MAF: variants seen among roughly 807,000 people sequenced by gnomAD.
The protein encoded by MAF is transcription factor Maf.
Under a neutral mutation model 22.0 loss-of-function variants are expected in MAF, and 10 were observed. That is an observed-to-expected ratio of 0.45 (90% CI 0.28 to 0.77). MAF has a LOEUF of 0.77. Ranked by LOEUF, MAF falls within the 30% of genes least tolerant of loss-of-function variation. The pLI, the probability that MAF is intolerant of heterozygous loss-of-function variation, is 0.12. For missense variants in MAF, 544 were observed against 548.4 expected (o/e 0.99, Z 0.08); for synonymous variants, 337 against 255.8 (o/e 1.32, Z -3.03).
chr16:79,598,275 A>T, intron 1 of MAF: 1 of 1,069,462 alleles, frequency 9.4e-7, no homozygotes, highest in Non-Finnish European at 1.1e-6. Flanking sequence ...AAAAAAAAAA[A>T]TCCAAACAAA....
chr16:79,484,821 G>C, the MAF span, among the ~76,000 whole-genome samples: 1 of 152,194 alleles, frequency 6.6e-6, no homozygotes, highest in Non-Finnish European at 1.5e-5. Context: ...GTGCATGTGT[G>C]TGAATGCATT....
At chr16:79,302,821 G>A in the MAF span, among the ~76,000 whole-genome samples, 2 of 152,250 alleles carry the variant, frequency 1.3e-5, no homozygotes, top group African/African-American at 4.8e-5. Context: ...CCAGTGTGCA[G>A]CAAATGAAGA....
the MAF span, among the ~76,000 whole-genome samples, chr16:79,224,781 A>G: frequency 5.3e-5 from 8 of 152,236 alleles, no homozygotes; most frequent in African/African-American, 1.9e-4. Context: ...AGAGAATAAA[A>G]TACCTAGGAA....
downstream of MAF, among the ~76,000 whole-genome samples, chr16:79,582,273 G>A (rs1912566781): frequency 6.6e-6 from 1 of 152,206 alleles, no homozygotes; most frequent in East Asian, 1.9e-4. Flanking sequence ...TGGCATCTGT[G>A]AACGGCGGCA....
chr16:79,461,441 G>A, the MAF span, among the ~76,000 whole-genome samples: 13 of 152,070 alleles, frequency 8.5e-5, no homozygotes, highest in African/African-American at 1.2e-4. Context: ...CTGCATCCTC[G>A]GGCCATGTCA....
the MAF span, among the ~76,000 whole-genome samples, chr16:79,403,261 C>G: frequency 1.3e-5 from 2 of 152,180 alleles, no homozygotes; most frequent in Non-Finnish European, 2.9e-5. Flanking sequence ...CCATTCAGCT[C>G]CCGATTTTCT....
chr16:79,525,763 T>A, the MAF span, among the ~76,000 whole-genome samples: 4 of 152,206 alleles, frequency 2.6e-5, no homozygotes, highest in Non-Finnish European at 5.9e-5. Context: ...CTAGGAAAAT[T>A]TAACGTATTT....
At chr16:79,444,659 C>T in the MAF span, among the ~76,000 whole-genome samples, 6 of 152,348 alleles carry the variant, frequency 3.9e-5, no homozygotes, top group African/African-American at 1.2e-4. Context: ...ACGAGAAATG[C>T]TGAGACAGAG....
chr16:79,384,074 T>C, the MAF span, among the ~76,000 whole-genome samples: 1 of 152,138 alleles, frequency 6.6e-6, no homozygotes, highest in Non-Finnish European at 1.5e-5. Context: ...GGGCTCCTCC[T>C]GAGTTGTACA....
chr16:79,447,891 C>CAAAAAAAAAAAAAAAAAAAAAAAA, the MAF span, among the ~76,000 whole-genome samples: 3 of 72,586 alleles, frequency 4.1e-5, no homozygotes, highest in African/African-American at 2.3e-4. Flanking sequence ...GATTCCATCT[C>CAAAAAAAAAAAAAAAAAAAAAAAA]AAAAAAAAAA....
chr16:79,553,243 C>G, the MAF span, among the ~76,000 whole-genome samples: 1 of 152,242 alleles, frequency 6.6e-6, no homozygotes, highest in African/African-American at 2.4e-5. Context: ...CAAGGCACAG[C>G]AACTCCAGGG....
the MAF span, among the ~76,000 whole-genome samples, chr16:79,286,661 T>C: frequency 1.3e-5 from 2 of 152,204 alleles, no homozygotes; most frequent in African/African-American, 4.8e-5. Flanking sequence ...GTGCCTCACA[T>C]AGATACAGAA....
the MAF span, among the ~76,000 whole-genome samples, chr16:79,572,369 C>G: frequency 1.2e-4 from 18 of 152,188 alleles, no homozygotes; most frequent in African/African-American, 4.1e-4. Flanking sequence ...CCCTCCCTTT[C>G]TTCCCCCAAC....
chr16:79,507,375 C>A, the MAF span, among the ~76,000 whole-genome samples: 1 of 151,914 alleles, frequency 6.6e-6, no homozygotes, highest in Non-Finnish European at 1.5e-5. Context: ...CTTGGCCTCC[C>A]AAAGTGCTGG....
chr16:79,389,500 G>A, the MAF span, among the ~76,000 whole-genome samples: 8 of 152,156 alleles, frequency 5.3e-5, no homozygotes, highest in South Asian at 2.1e-4. Flanking sequence ...GACCTCAAGT[G>A]ATCCACCTGC....
chr16:79,562,859 G>A, the MAF span, among the ~76,000 whole-genome samples: 4 of 152,192 alleles, frequency 2.6e-5, no homozygotes, highest in Admixed American at 2.6e-4. Context: ...CCTGGATTCA[G>A]GCCCCTCCCC....
At chr16:79,435,636 A>C in the MAF span, among the ~76,000 whole-genome samples, 34 of 152,170 alleles carry the variant, frequency 2.2e-4, no homozygotes, top group Admixed American at 2.2e-3. Flanking sequence ...GGCCAGTGGC[A>C]GTTTTAGTCC....
At chr16:79,303,629 C>A in the MAF span, among the ~76,000 whole-genome samples, 18 of 152,218 alleles carry the variant, frequency 1.2e-4, no homozygotes, top group Non-Finnish European at 2.1e-4. Context: ...GCATCTTCCA[C>A]TGGCATGGCA....
the MAF span, among the ~76,000 whole-genome samples, chr16:79,270,290 G>A: frequency 6.6e-6 from 1 of 152,078 alleles, no homozygotes; most frequent in African/African-American, 2.4e-5. Context: ...CTTTTTCTTT[G>A]CTGGCTTGAG....
Sources: gnomAD v4.1 joint callset for allele counts (sites outside exome capture counted in the v4.1 genomes callset) on GRCh38, gnomAD v4.1.1 for gene constraint, MANE v1.5 for transcripts, NCBI Gene and HGNC (gene_info 2026-07-23, HGNC 2026-07-21) for gene names.